TRAK1: variants seen among roughly 807,000 people sequenced by gnomAD.
The protein encoded by TRAK1 is trafficking kinesin protein 1, also known as trafficking kinesin-binding protein 1.
A neutral mutation model predicts 92.1 loss-of-function variants in TRAK1; 33 were observed. The observed-to-expected ratio is 0.36, with a 90% confidence interval of 0.27 to 0.48. The LOEUF (loss-of-function observed/expected upper bound fraction) is 0.48. TRAK1 is among the 20% of genes least tolerant of loss of function. TRAK1 has a pLI of 0.99. For missense variants in TRAK1, 1,123 were observed against 1,257.9 expected (o/e 0.89, Z 1.62); for synonymous variants, 521 against 517.3 (o/e 1.01, Z -0.10).
chr3:42,059,991 T>C (rs1703359401), intron 1 of TRAK1, among the ~76,000 whole-genome samples: 2 of 152,254 alleles, frequency 1.3e-5, no homozygotes, highest in Non-Finnish European at 2.9e-5. Flanking sequence ...TTGTTTGATA[T>C]TAATCACTTC....
intron 1 of TRAK1, among the ~76,000 whole-genome samples, chr3:42,121,042 G>A (rs1377059715): frequency 6.6e-6 from 1 of 152,176 alleles, no homozygotes; most frequent in Non-Finnish European, 1.5e-5. Context: ...TGTTGGAGGG[G>A]AGATCACAGC....
intron 6 of TRAK1, among the ~76,000 whole-genome samples, chr3:42,190,111 C>T (rs555760824): frequency 7.2e-5 from 11 of 152,148 alleles, no homozygotes; most frequent in Non-Finnish European, 1.6e-4. Flanking sequence ...TTGTTTTTCA[C>T]CTTCACCCAC....
chr3:42,038,110 C>T, intron 1 of TRAK1, among the ~76,000 whole-genome samples: 1 of 152,146 alleles, frequency 6.6e-6, no homozygotes, highest in Non-Finnish European at 1.5e-5. Flanking sequence ...CAGCCACTTG[C>T]CTGATAGAGA....
In TRAK1 at chr3:42,199,222, C is replaced by T. The variant is rs758721388; in HGVS notation, c.1159C>T (p.Gln387Ter). Residue 387 changes from glutamine (Q) to a stop codon, truncating the protein, a stop_gained, in exon 11 of 16, where the codon CAG (glutamine) becomes TAG (stop). Transcript: ENST00000327628. LOFTEE classifies it high-confidence loss of function. ...EIEGTMRKEL[Q>*]LEEAESPDIT... ...TGAGGGAACGATGCGCAAGGAGCTG[C>T]AGTTGGAAGAGGCCGAGTCTCCAGA... 6.2e-7 allele frequency: 1 copy of T among 1,613,814 alleles called. No individual in the cohort carries two copies. The highest frequency in any genetic ancestry group is 1.3e-5 in the African/African-American group (1 of 74,910).
At chr3:42,044,015 G>A (rs1702662138) in intron 1 of TRAK1, among the ~76,000 whole-genome samples, 1 of 152,150 alleles carries the variant, frequency 6.6e-6, no homozygotes, top group Admixed American at 6.5e-5. Context: ...TGGGCCCTGG[G>A]CCTGGGCAGA....
intron 14 of TRAK1, among the ~76,000 whole-genome samples, chr3:42,214,674 A>C (rs1709458377): frequency 6.6e-6 from 1 of 152,198 alleles, no homozygotes; most frequent in Non-Finnish European, 1.5e-5. Context: ...TGCAGAAACC[A>C]AAAATAAGTT....
intron 2 of TRAK1, among the ~76,000 whole-genome samples, chr3:42,175,663 A>G (rs954288697): frequency 3.3e-5 from 5 of 152,172 alleles, no homozygotes; most frequent in African/African-American, 9.7e-5. Context: ...TACTAGGATG[A>G]TCTCTACTTG....
chr3:42,082,661 A>C (rs1385348923), upstream of TRAK1, among the ~76,000 whole-genome samples: 1 of 152,088 alleles, frequency 6.6e-6, no homozygotes, highest in Non-Finnish European at 1.5e-5. Flanking sequence ...TTTGTTAAAA[A>C]AAAAAACACA....
intron 12 of TRAK1, 62 bp downstream of exon 12, chr3:42,201,116 C>T: frequency 6.5e-7 from 1 of 1,529,080 alleles, no homozygotes; most frequent in South Asian, 1.1e-5. Context: ...TATGGATTGT[C>T]TGCAGGCTCA....
At chr3:42,136,622 C>A (rs1432537761) in intron 2 of TRAK1, among the ~76,000 whole-genome samples, 1 of 127,438 alleles carries the variant, frequency 7.8e-6, no homozygotes, top group Admixed American at 8.7e-5. Context: ...GACACTGTTT[C>A]AATACAAAAG....
chr3:42,184,950 T>C, intron 4 of TRAK1, 149 bp downstream of exon 4: 1 of 659,870 alleles, frequency 1.5e-6, no homozygotes, highest in South Asian at 2.2e-5. Flanking sequence ...CTGTCTCTTC[T>C]GAAACGTTCA....
At chr3:42,196,380 C>T (rs1463200) in intron 10 of TRAK1, among the ~76,000 whole-genome samples, 106,893 of 151,962 alleles carry the variant, frequency 0.7, 38,055 homozygotes, top group East Asian at 0.98. Flanking sequence ...GATCCACAGA[C>T]GAAATTTGGG....
chr3:42,090,415 G>A (rs1704951182), upstream of TRAK1, among the ~76,000 whole-genome samples: 1 of 152,256 alleles, frequency 6.6e-6, no homozygotes, highest in Admixed American at 6.5e-5. Flanking sequence ...GCTGGGCGTG[G>A]TGGCTCACGC....
chr3:42,211,206 G>A (rs1708990021), intron 14 of TRAK1: 2 of 985,376 alleles, frequency 2.0e-6, no homozygotes, highest in African/African-American at 1.7e-5. Flanking sequence ...GCAGGAAAGA[G>A]CTGAGGTTCT....
chr3:42,149,864 G>C (rs992717545), intron 2 of TRAK1, among the ~76,000 whole-genome samples: 1 of 152,176 alleles, frequency 6.6e-6, no homozygotes, highest in Non-Finnish European at 1.5e-5. Context: ...GCTTGTAAGT[G>C]TTATACTTCT....
At chr3:42,159,381 C>G (rs1031984504) in intron 2 of TRAK1, among the ~76,000 whole-genome samples, 1 of 152,104 alleles carries the variant, frequency 6.6e-6, no homozygotes, top group African/African-American at 2.4e-5. Context: ...CTGTGATTCT[C>G]CGAGACGCTA....
At chr3:42,162,549 G>A (rs1340888223) in intron 2 of TRAK1, among the ~76,000 whole-genome samples, 1 of 152,122 alleles carries the variant, frequency 6.6e-6, no homozygotes, top group East Asian at 1.9e-4. Context: ...ACAGAAGGTG[G>A]GGGAAGAGGA....
At chr3:42,130,543 A>G (rs937447965) in intron 2 of TRAK1, among the ~76,000 whole-genome samples, 2 of 152,162 alleles carry the variant, frequency 1.3e-5, no homozygotes, top group African/African-American at 4.8e-5. Context: ...ACTTGTTTGC[A>G]TTTCAGCTCA....
intron 2 of TRAK1, chr3:42,149,656 G>C (rs1050530292): frequency 8.5e-6 from 13 of 1,534,832 alleles, no homozygotes; most frequent in Non-Finnish European, 1.0e-5. Context: ...GTCTCCTTCT[G>C]GGTGGGGGGT....
Sources: gnomAD v4.1 joint callset for allele counts (sites outside exome capture counted in the v4.1 genomes callset) on GRCh38, gnomAD v4.1.1 for gene constraint, MANE v1.5 for transcripts, NCBI Gene and HGNC (gene_info 2026-07-23, HGNC 2026-07-21) for gene names.